The following GRID2 variants were observed in gnomAD, a reference collection of about 807,000 sequenced individuals.
GRID2 encodes the protein glutamate receptor ionotropic, delta-2.
In GRID2, 33 loss-of-function variants were observed where a neutral mutation model predicts 114.8. That is an observed-to-expected ratio of 0.29 (90% CI 0.22 to 0.38). GRID2 has a LOEUF of 0.38. Among genes scored for constraint, GRID2 ranks in the 10% least tolerant of loss-of-function variants. GRID2 has a pLI of 1.00. For missense variants in GRID2, 1,184 were observed against 1,257.7 expected (o/e 0.94, Z 0.89); for synonymous variants, 505 against 449.9 (o/e 1.12, Z -1.55).
intron 14 of GRID2, among the ~76,000 whole-genome samples, chr4:93,687,341 A>G (rs1726164056): frequency 6.6e-6 from 1 of 152,042 alleles, no homozygotes; most frequent in Non-Finnish European, 1.5e-5. Flanking sequence ...TCTATTGGAC[A>G]TCCCAGTGGG....
chr4:93,364,390 G>C (rs1762148292), intron 8 of GRID2, among the ~76,000 whole-genome samples: 1 of 152,026 alleles, frequency 6.6e-6, no homozygotes, highest in Non-Finnish European at 1.5e-5. Flanking sequence ...ACTTGGGTTA[G>C]AAAATTTTTC....
At chr4:92,643,835 A>G (rs560595123) in intron 2 of GRID2, among the ~76,000 whole-genome samples, 20 of 151,922 alleles carry the variant, frequency 1.3e-4, no homozygotes, top group African/African-American at 4.3e-4. Context: ...TTGGTGAAAA[A>G]TGAGCAAATT....
rs898683521 is a variant in GRID2, at chr4:92,747,327, T to C, written c.244+157041T>C. 6.6e-5 allele frequency among the ~76,000 whole-genome samples: 10 copies of C among 152,120 alleles called. 1 individual carries two copies. The highest frequency in any genetic ancestry group is 2.4e-4 in the African/African-American group (10 of 41,448). ...GCTTTGTAAGAATGAATTGTGGTTCTTTTAGAAATTGTTTTTATTCAGGGA... is the reference window on the plus strand; with the variant it reads ...GCTTTGTAAGAATGAATTGTGGTTCCTTTAGAAATTGTTTTTATTCAGGGA... On this transcript the variant is annotated intron_variant, in intron 2 of 15. Transcript: ENST00000282020.
chr4:92,576,402 T>C (rs1010850591), intron 1 of GRID2, among the ~76,000 whole-genome samples: 3 of 152,200 alleles, frequency 2.0e-5, no homozygotes, highest in African/African-American at 4.8e-5. Context: ...CAGGCTCCAC[T>C]CTGTTGCTGG....
chr4:92,978,701 T>C (rs930604626), intron 2 of GRID2, among the ~76,000 whole-genome samples: 1 of 152,180 alleles, frequency 6.6e-6, no homozygotes, highest in African/African-American at 2.4e-5. Flanking sequence ...ATGATTTCAC[T>C]AGTAAAATAT....
chr4:92,551,254 C>CTGTGTGTGTGTGTG (rs34809917), intron 1 of GRID2, among the ~76,000 whole-genome samples: 4 of 146,872 alleles, frequency 2.7e-5, no homozygotes, highest in Non-Finnish European at 6.0e-5. Flanking sequence ...ACATCTACAC[C>CTGTGTGTGTGTGTG]TGTGTGTGTG....
At chr4:92,854,141 T>C (rs1364930029) in intron 2 of GRID2, among the ~76,000 whole-genome samples, 2 of 152,010 alleles carry the variant, frequency 1.3e-5, no homozygotes, top group East Asian at 3.9e-4. Flanking sequence ...AGGGGTGGTC[T>C]GGGCTACAGA....
intron 14 of GRID2, among the ~76,000 whole-genome samples, chr4:93,673,756 C>A (rs551755886): frequency 6.6e-6 from 1 of 152,200 alleles, no homozygotes; most frequent in East Asian, 1.9e-4. Context: ...AAGCACTGTC[C>A]CCAGGGGTTG....
At chr4:93,225,171 A>G (rs964479094) in intron 7 of GRID2, among the ~76,000 whole-genome samples, 25 of 152,244 alleles carry the variant, frequency 1.6e-4, no homozygotes, top group African/African-American at 6.0e-4. Flanking sequence ...ATGGTAAGAC[A>G]CTGGATGTGA....
chr4:92,458,471 G>A (rs1157489914), intron 1 of GRID2, among the ~76,000 whole-genome samples: 1 of 152,136 alleles, frequency 6.6e-6, no homozygotes, highest in African/African-American at 2.4e-5. Flanking sequence ...GGCACATGGA[G>A]TCCCTTGAGA....
At chr4:92,620,626 A>T (rs565036049) in intron 2 of GRID2, among the ~76,000 whole-genome samples, 16 of 151,888 alleles carry the variant, frequency 1.1e-4, no homozygotes, top group Admixed American at 8.6e-4. Context: ...CTATAATTAG[A>T]TATAGTTATG....
chr4:92,977,584 T>C (rs1753953274), intron 2 of GRID2, among the ~76,000 whole-genome samples: 1 of 152,158 alleles, frequency 6.6e-6, no homozygotes, highest in Non-Finnish European at 1.5e-5. Flanking sequence ...CATTATCTGA[T>C]TTGAATTTTA....
At chr4:93,558,879 T>G (rs1734599610) in intron 13 of GRID2, among the ~76,000 whole-genome samples, 1 of 152,136 alleles carries the variant, frequency 6.6e-6, no homozygotes, top group Non-Finnish European at 1.5e-5. Context: ...TCAAAAAGCT[T>G]ATTCACCATG....
intron 2 of GRID2, among the ~76,000 whole-genome samples, chr4:92,639,338 T>C (rs1040348209): frequency 2.0e-5 from 3 of 151,858 alleles, no homozygotes; most frequent in African/African-American, 7.2e-5. Flanking sequence ...GTCTCATATA[T>C]CTAATATTTG....
At chr4:93,702,044 G>C (rs1727556876) in intron 14 of GRID2, among the ~76,000 whole-genome samples, 1 of 152,014 alleles carries the variant, frequency 6.6e-6, no homozygotes, top group South Asian at 2.1e-4. Flanking sequence ...CCAGAAAATA[G>C]TTATTCTGTG....
At chr4:93,565,267 A>G (rs1363056447) in intron 13 of GRID2, among the ~76,000 whole-genome samples, 1 of 152,186 alleles carries the variant, frequency 6.6e-6, no homozygotes, top group Admixed American at 6.5e-5. Context: ...GATTACCAGT[A>G]AAACTGAGAA....
At chr4:93,531,034 A>G (rs1230874437) in intron 13 of GRID2, among the ~76,000 whole-genome samples, 4 of 152,154 alleles carry the variant, frequency 2.6e-5, no homozygotes, top group African/African-American at 9.6e-5. Context: ...CTTGTCTGGT[A>G]TGTTTATGTA....
intron 8 of GRID2, among the ~76,000 whole-genome samples, chr4:93,269,180 T>A (rs1482519739): frequency 6.6e-6 from 1 of 152,184 alleles, no homozygotes; most frequent in East Asian, 1.9e-4. Context: ...GTCAGTTTAA[T>A]GCAGTGATTC....
intron 2 of GRID2, among the ~76,000 whole-genome samples, chr4:92,636,541 C>T (rs2149250065): frequency 6.6e-6 from 1 of 152,172 alleles, no homozygotes; most frequent in East Asian, 1.9e-4. Flanking sequence ...TTCACAGTCA[C>T]ATGGTGGTAG....
Sources: allele counts gnomAD v4.1 joint callset (sites outside exome capture counted in the v4.1 genomes callset), GRCh38; gene constraint gnomAD v4.1.1; transcripts MANE v1.5; gene names NCBI Gene and HGNC (gene_info 2026-07-23, HGNC 2026-07-21).